Variants in TGFBR3 observed in about 807,000 individuals in gnomAD.
TGFBR3 encodes transforming growth factor beta receptor 3.
In TGFBR3, 46 loss-of-function variants were observed where a neutral mutation model predicts 87.9. That is an observed-to-expected ratio of 0.52 (90% CI 0.41 to 0.67). TGFBR3 has a LOEUF of 0.67. TGFBR3 is among the 30% of genes least tolerant of loss of function. The probability of loss-of-function intolerance (pLI) is 0.00; values close to 1 mark genes in which losing one functional copy is unlikely to be tolerated. For missense variants in TGFBR3, 866 were observed against 1,041.9 expected, an observed-to-expected ratio of 0.83 and a Z score of 2.32; for synonymous variants, 381 against 391.6, an observed-to-expected ratio of 0.97 and a Z score of 0.32.
intron 2 of TGFBR3, 43 bp from the exon 3 acceptor site, chr1:91,797,514 T>C (rs774520491): frequency 6.2e-7 from 1 of 1,612,118 alleles, no homozygotes; most frequent in Non-Finnish European, 8.5e-7. Flanking sequence ...GAAACAGCAA[T>C]TAATTCTGCC....
intron 3 of TGFBR3, among the ~76,000 whole-genome samples, chr1:91,794,520 A>AG (rs398039737): frequency 1.3e-5 from 2 of 152,016 alleles, no homozygotes; most frequent in Admixed American, 1.3e-4. Context: ...TTTTAAAAAA[A>AG]CATGTAACGT....
Position 91,801,402 on chromosome 1 carries a change from G to A in TGFBR3, c.62-3931C>T, listed in dbSNP as rs146215263. 3.3e-3 allele frequency among the ~76,000 whole-genome samples: 507 copies of A among 152,216 alleles called. 6 individuals carry two copies. The highest frequency in any genetic ancestry group is 0.012 in the African/African-American group (487 of 41,532). ...TGGAGAGAAGGGGACAGAGTTAAGTGGCCAGGGAGAGAATCCACTGGGTGA... is the reference window on the plus strand; with the variant it reads ...TGGAGAGAAGGGGACAGAGTTAAGTAGCCAGGGAGAGAATCCACTGGGTGA... On this transcript the variant is annotated intron_variant, in intron 2 of 16. Coordinates refer to ENST00000212355, the MANE Select transcript of TGFBR3 (RefSeq NM_003243.5).
intron 4 of TGFBR3, among the ~76,000 whole-genome samples, chr1:91,757,889 C>T (rs779721532): frequency 1.3e-5 from 2 of 152,078 alleles, no homozygotes; most frequent in Non-Finnish European, 2.9e-5. Context: ...CCTCAGGCAC[C>T]GCAGTTAGGA....
intron 3 of TGFBR3, among the ~76,000 whole-genome samples, chr1:91,787,815 G>T (rs1015844926): frequency 6.6e-6 from 1 of 152,086 alleles, no homozygotes; most frequent in African/African-American, 2.4e-5. Context: ...AGCCGGGCGT[G>T]GTGGTGTGCG....
Position 91,708,773 on chromosome 1 carries a change from G to C in TGFBR3, c.2177C>G (p.Pro726Arg), listed in dbSNP as rs1302074636. The change falls in exon 14 of 17, where the codon CCT becomes CGT. Residue 726 changes from proline (P) to arginine (R), a missense_variant. Coordinates refer to ENST00000212355, the MANE Select transcript of TGFBR3 (RefSeq NM_003243.5). ...HPQKLPKCVP[P>R]DEACTSLDAS... ...GTCCAGCGAGGTGCAGGCTTCGTCA[G>C]GAGGCACACACTGCAGACAGGCAGA... is the stretch of plus-strand genomic sequence containing the variant. 1 of 1,613,938 alleles carries C rather than the reference G, an allele frequency of 6.2e-7. No homozygotes were observed. Among genetic ancestry groups the C allele is most frequent in the East Asian group, 2.2e-5 (1 of 44,860 alleles).
At chr1:91,782,269 C>T (rs373040122) in intron 3 of TGFBR3, among the ~76,000 whole-genome samples, 1 of 152,240 alleles carries the variant, frequency 6.6e-6, no homozygotes, top group East Asian at 1.9e-4. Flanking sequence ...GTGATCGGCC[C>T]CCAGAAGTCT....
chr1:91,865,546 T>C (rs955193426), intron 1 of TGFBR3, among the ~76,000 whole-genome samples: 1 of 152,200 alleles, frequency 6.6e-6, no homozygotes, highest in African/African-American at 2.4e-5. Flanking sequence ...CAAAGCAACA[T>C]GTTCCATTTA....
chr1:91,787,803 T>C (rs552515326), intron 3 of TGFBR3, among the ~76,000 whole-genome samples: 16 of 151,986 alleles, frequency 1.1e-4, no homozygotes, highest in South Asian at 1.0e-3. Flanking sequence ...AATACAAAAA[T>C]TAGCCGGGCG....
intron 3 of TGFBR3, among the ~76,000 whole-genome samples, chr1:91,785,365 T>G (rs899892096): frequency 6.6e-6 from 1 of 152,226 alleles, no homozygotes; most frequent in Admixed American, 6.5e-5. Context: ...TGTTAATAGA[T>G]ACAAGGTTTC....
intron 14 of TGFBR3, among the ~76,000 whole-genome samples, chr1:91,705,908 A>G (rs1237601690): frequency 1.3e-5 from 2 of 152,238 alleles, no homozygotes; most frequent in African/African-American, 4.8e-5. Context: ...TTGAACTTTC[A>G]GTACAATTAT....
intron 2 of TGFBR3, among the ~76,000 whole-genome samples, chr1:91,858,762 A>G (rs1418797483): frequency 2.0e-5 from 3 of 151,914 alleles, no homozygotes; most frequent in Non-Finnish European, 4.4e-5. Context: ...GCTATTATAA[A>G]ATCTGTAATT....
At chr1:91,894,145 C>T (rs1214403888) in intron 2 of TGFBR3, among the ~76,000 whole-genome samples, 1 of 152,090 alleles carries the variant, frequency 6.6e-6, no homozygotes, top group African/African-American at 2.4e-5. Context: ...TTTGTCTTCC[C>T]ACCACATCTG....
At chr1:91,721,833 A>G in intron 8 of TGFBR3, 122 bp downstream of exon 8, 1 of 884,366 alleles carries the variant, frequency 1.1e-6, no homozygotes, top group Non-Finnish European at 1.7e-6. Flanking sequence ...GATAAAAAGT[A>G]GTCAAATTAT....
At chr1:91,867,723 G>C (rs1022185446) in intron 1 of TGFBR3, among the ~76,000 whole-genome samples, 8 of 152,136 alleles carry the variant, frequency 5.3e-5, no homozygotes, top group African/African-American at 1.9e-4. Context: ...AAGGGTGTCT[G>C]CTTTTAAGCT....
chr1:91,776,636 C>T (rs1006875033), intron 3 of TGFBR3, among the ~76,000 whole-genome samples: 1 of 152,182 alleles, frequency 6.6e-6, no homozygotes, highest in Non-Finnish European at 1.5e-5. Context: ...CAGCGTTTGA[C>T]TTTGGCTCTG....
At chr1:91,822,831 T>C (rs1452011770) in intron 2 of TGFBR3, among the ~76,000 whole-genome samples, 1 of 151,810 alleles carries the variant, frequency 6.6e-6, no homozygotes, top group Non-Finnish European at 1.5e-5. Flanking sequence ...GAGGCTGAGG[T>C]GGGAGGACTG....
chr1:91,753,264 C>T (rs1431693960), intron 4 of TGFBR3, among the ~76,000 whole-genome samples: 2 of 151,422 alleles, frequency 1.3e-5, no homozygotes, highest in Non-Finnish European at 2.9e-5. Context: ...TTGGCATGCA[C>T]CTGTAGTCCC....
At chr1:91,695,522 A>C in intron 16 of TGFBR3, 150 bp downstream of exon 16, 1 of 756,152 alleles carries the variant, frequency 1.3e-6, no homozygotes, top group Non-Finnish European at 2.3e-6. Context: ...TACTTTTGTG[A>C]AACCCAATTT....
chr1:91,703,230 G>A (rs77782227), intron 14 of TGFBR3, among the ~76,000 whole-genome samples: 6,315 of 152,140 alleles, frequency 0.042, 440 homozygotes, highest in African/African-American at 0.14. Flanking sequence ...GTCCTTTAGA[G>A]TATTTTTATT....
Sources: allele counts gnomAD v4.1 joint callset (sites outside exome capture counted in the v4.1 genomes callset), GRCh38; gene constraint gnomAD v4.1.1; transcripts MANE v1.5; gene names NCBI Gene and HGNC (gene_info 2026-07-23, HGNC 2026-07-21).